The following DECR1 variants were observed in gnomAD, a reference collection of about 807,000 sequenced individuals.
The protein encoded by DECR1 is 2,4-dienoyl-CoA reductase 1, also known as 2,4-dienoyl-CoA reductase [(3E)-enoyl-CoA-producing], mitochondrial.
DECR1 carries 44 observed loss-of-function variants against 38.8 expected under a neutral mutation model. The observed-to-expected ratio is 1.13, with a 90% CI of 0.89 to 1.46. The LOEUF is 1.46. Among genes scored for constraint, DECR1 ranks in the 40% most tolerant of loss-of-function variants. DECR1 has a pLI of 0.00. For synonymous variants in DECR1, 148 were observed against 135.2 expected (o/e 1.09, Z -0.66); for missense variants, 428 against 405.5 (o/e 1.06, Z -0.48).
intron 4 of DECR1, 100 bp downstream of exon 4, chr8:90,019,272 C>T: frequency 2.1e-6 from 2 of 971,496 alleles, no homozygotes; most frequent in Non-Finnish European, 3.1e-6. Flanking sequence ...TGATGTAGGA[C>T]AGGCAAGCCC....
intron 7 of DECR1, among the ~76,000 whole-genome samples, 185 bp downstream of exon 7, chr8:90,042,985 T>C (rs1813800554): frequency 6.6e-6 from 1 of 152,138 alleles, no homozygotes; most frequent in Non-Finnish European, 1.5e-5. Flanking sequence ...GGCAGGAATA[T>C]AGCAGCTATG....
intron 5 of DECR1, among the ~76,000 whole-genome samples, chr8:90,027,951 G>A (rs1482360052): frequency 1.3e-5 from 2 of 151,932 alleles, no homozygotes; most frequent in African/African-American, 4.8e-5. Flanking sequence ...AATTATCCTA[G>A]TTATATATTG....
In DECR1 at chr8:90,020,963, C is replaced by G; in HGVS notation, c.472C>G (p.Pro158Ala). ...NFISPTERLSPNAWKTITDIV... is the reference protein window; with the variant it reads ...NFISPTERLSANAWKTITDIV... ...TATTTCTCCTACTGAAAGACTTTCT[C>G]CTAATGCTTGGAAAACCATAACTGA... Residue 158 changes from proline to alanine, a missense_variant, in exon 5 of 10, where the codon CCT (proline) becomes GCT (alanine). Physicochemically the swap from Pro to Ala is conservative, Grantham distance 27 (BLOSUM62 -1). Transcript: ENST00000220764. 6.3e-7 allele frequency: 1 copy of G among 1,593,692 alleles called. No individual in the cohort carries two copies. The highest frequency in any genetic ancestry group is 1.7e-4 in the Middle Eastern group (1 of 6,004).
Position 90,052,799 on chromosome 8 carries a change from C to A in DECR1, c.*902C>A, listed in dbSNP as rs1160549530. Among the ~76,000 whole-genome samples, 2 of 152,048 alleles carry A rather than the reference C, an allele frequency of 1.3e-5. No homozygotes were observed. On this transcript the variant is annotated 3_prime_UTR_variant, in exon 10 of 10. Coordinates refer to ENST00000220764, the MANE Select transcript of DECR1 (RefSeq NM_001359.2). ...AAGTCTACAGAGCTATACTTTTGAG[C>A]CTATATTTTTAAAATGTCCATTTTG...
chr8:90,024,733 G>A (rs544084523), intron 5 of DECR1, among the ~76,000 whole-genome samples: 53 of 152,088 alleles, frequency 3.5e-4, no homozygotes, highest in Admixed American at 6.6e-4. Flanking sequence ...ATTAGATCCC[G>A]TTTGTCTATT....
chr8:90,051,886 A>G lies in DECR1; in HGVS notation c.997A>G (p.Lys333Glu). The change falls in exon 10 of 10, where the codon AAA becomes GAA. Residue 333 changes from lysine (K) to glutamate (E), a missense_variant. Transcript: ENST00000220764. ...DTIEELIRKT[K>E]GS is the part of the protein sequence containing the mutation. ...CATAGAAGAACTCATCAGGAAGACA[A>G]AAGGTTCCTAAGACCACTTTGGCCT... The G allele has an allele frequency of 1.2e-6, 2 of 1,613,774 alleles. No individual in the cohort carries two copies. The highest frequency in any genetic ancestry group is 1.7e-6 in the Non-Finnish European group (2 of 1,179,840).
At chr8:90,011,775 T>G (rs1454570788) in intron 1 of DECR1, among the ~76,000 whole-genome samples, 1 of 152,202 alleles carries the variant, frequency 6.6e-6, no homozygotes, top group Non-Finnish European at 1.5e-5. Context: ...TCCCCCTGCT[T>G]CTTTCCCAAA....
intron 1 of DECR1, among the ~76,000 whole-genome samples, chr8:90,013,254 C>T (rs1279141324): frequency 6.6e-6 from 1 of 152,080 alleles, no homozygotes; most frequent in African/African-American, 2.4e-5. Flanking sequence ...ATATGAGAGA[C>T]TATTATTGTA....
chr8:90,030,181 A>T (rs908801637), intron 5 of DECR1, among the ~76,000 whole-genome samples: 3 of 152,096 alleles, frequency 2.0e-5, no homozygotes, highest in Admixed American at 2.0e-4. Context: ...GTCACCGCTG[A>T]TCTGACATTA....
At chr8:90,018,230 T>C (rs956412612) in intron 2 of DECR1, among the ~76,000 whole-genome samples, 2 of 152,224 alleles carry the variant, frequency 1.3e-5, no homozygotes, top group African/African-American at 2.4e-5. Flanking sequence ...TTTCAAAATA[T>C]CTGTTATTGT....
At chr8:90,020,872 T>C (rs1159472068) in intron 4 of DECR1, 37 bp from the exon 5 acceptor site, 2 of 1,488,898 alleles carry the variant, frequency 1.3e-6, no homozygotes, top group Non-Finnish European at 1.8e-6. Context: ...TTTTTCCTCA[T>C]CTAAAGTTTC....
At chr8:90,013,451 T>C (rs1372842625) in intron 1 of DECR1, among the ~76,000 whole-genome samples, 1 of 129,372 alleles carries the variant, frequency 7.7e-6, no homozygotes, top group African/African-American at 2.9e-5. Flanking sequence ...TTACTTACAA[T>C]AGGCATCTAG....
chr8:90,032,363 C>T (rs1001634111), intron 5 of DECR1, among the ~76,000 whole-genome samples: 4 of 152,150 alleles, frequency 2.6e-5, no homozygotes, highest in Non-Finnish European at 5.9e-5. Flanking sequence ...ACTTTCTCTT[C>T]TACCACATCT....
intron 7 of DECR1, among the ~76,000 whole-genome samples, 161 bp from the exon 8 acceptor site, chr8:90,044,688 A>AT (rs920220056): frequency 1.9e-4 from 28 of 150,128 alleles, no homozygotes; most frequent in East Asian, 3.9e-4. Flanking sequence ...CCAGTGATCT[A>AT]TTTTTTTTTT....
At chr8:90,022,300 C>G (rs1813183374) in intron 5 of DECR1, among the ~76,000 whole-genome samples, 1 of 152,094 alleles carries the variant, frequency 6.6e-6, no homozygotes, top group South Asian at 2.1e-4. Flanking sequence ...CTAGAACCAG[C>G]TTGAGATACG....
intron 8 of DECR1, among the ~76,000 whole-genome samples, chr8:90,046,534 A>G (rs1222134419): frequency 6.6e-6 from 1 of 152,240 alleles, no homozygotes; most frequent in Non-Finnish European, 1.5e-5. Context: ...GAAATATGGG[A>G]CTATGTGAAA....
At chr8:90,042,701 A>G in intron 6 of DECR1, 27 bp from the exon 7 acceptor site, 3 of 1,582,542 alleles carry the variant, frequency 1.9e-6, no homozygotes, top group Non-Finnish European at 2.6e-6. Flanking sequence ...ATATTTCAGA[A>G]TGTATGTTGT....
At chr8:90,005,518 A>G in intron 1 of DECR1, 2 of 441,036 alleles carry the variant, frequency 4.5e-6, no homozygotes, top group South Asian at 3.2e-5. Flanking sequence ...AGCTGGGCCT[A>G]TCAGCTGGAT....
At chr8:90,031,156 C>G (rs1334609674) in intron 5 of DECR1, among the ~76,000 whole-genome samples, 1 of 152,092 alleles carries the variant, frequency 6.6e-6, no homozygotes, top group East Asian at 1.9e-4. Flanking sequence ...TCAACTTGGA[C>G]AGATTAGCTT....
Sources: gnomAD v4.1 joint callset for allele counts (sites outside exome capture counted in the v4.1 genomes callset) on GRCh38, gnomAD v4.1.1 for gene constraint, MANE v1.5 for transcripts, NCBI Gene and HGNC (gene_info 2026-07-23, HGNC 2026-07-21) for gene names.